SYT6: variants seen among roughly 807,000 people sequenced by gnomAD.
SYT6 encodes synaptotagmin-6.
SYT6 carries 24 observed loss-of-function variants against 38.4 expected under a neutral mutation model. That is an observed-to-expected ratio of 0.62 (90% CI 0.45 to 0.88). The LOEUF is 0.88. Ranked by LOEUF, SYT6 falls within the 40% of genes least tolerant of loss-of-function variation. The pLI is 0.00. For missense variants in SYT6, 611 were observed against 621.0 expected (o/e 0.98, Z 0.17); for synonymous variants, 265 against 241.9 (o/e 1.10, Z -0.89).
chr1:114,140,449 G>C (rs1016823035), intron 1 of SYT6, among the ~76,000 whole-genome samples: 2 of 152,102 alleles, frequency 1.3e-5, no homozygotes, highest in Admixed American at 6.5e-5. Context: ...GATACCTTGG[G>C]GGGCAGAGGC....
chr1:114,122,600 C>A (rs1406655892), intron 3 of SYT6, among the ~76,000 whole-genome samples: 1 of 152,176 alleles, frequency 6.6e-6, no homozygotes, highest in Non-Finnish European at 1.5e-5. Context: ...TGAGATTCTA[C>A]TTCCCTATCT....
At chr1:114,143,427 T>C (rs1027947908) in intron 1 of SYT6, among the ~76,000 whole-genome samples, 1 of 148,650 alleles carries the variant, frequency 6.7e-6, no homozygotes, top group Admixed American at 6.8e-5. Flanking sequence ...TATATACATA[T>C]ATAGTATAAA....
At chr1:114,092,221 C>T in intron 7 of SYT6, 139 bp from the exon 8 acceptor site, 1 of 782,118 alleles carries the variant, frequency 1.3e-6, no homozygotes, top group Non-Finnish European at 2.0e-6. Flanking sequence ...GTCAGCCATG[C>T]AAAAACATAA....
chr1:114,103,913 C>T lies in SYT6; in HGVS notation c.1072-192G>A, dbSNP rs148778517. On this transcript the variant is annotated intron_variant, in intron 3 of 7. Coordinates refer to ENST00000610222, the MANE Select transcript of SYT6 (RefSeq NM_001253772.2). Reference sequence around the variant, plus strand: ...ATAAAAGGCAATGGAAACAATATTGCCTCTTCAGTACAATTTGCCCCTTCC... The same window carrying T: ...ATAAAAGGCAATGGAAACAATATTGTCTCTTCAGTACAATTTGCCCCTTCC... 2.6e-5 allele frequency among the ~76,000 whole-genome samples: 4 copies of T among 152,326 alleles called. No homozygotes were observed. In the East Asian group the frequency reaches 7.7e-4, roughly 29 times the overall value.
chr1:114,153,640 G>C lies in SYT6; in HGVS notation c.133C>G (p.Pro45Ala). Residue 45 changes from proline to alanine, a missense_variant, in exon 1 of 8, where the codon CCA (proline) becomes GCA (alanine). Coordinates refer to ENST00000610222, the MANE Select transcript of SYT6 (RefSeq NM_001253772.2). ...CCTGCCGCGCTGGGACTCCGCTCTG[G>C]GGGCTGCAGCTCGAAGCTCCGACAA... ...ETCRSFELQPPERSPSAAGAG... is the reference protein window; with the variant it reads ...ETCRSFELQPAERSPSAAGAG... 1 of 643,652 alleles carries C rather than the reference G, an allele frequency of 1.6e-6. No homozygotes were observed. 39.9% of individuals were successfully genotyped at this position (643,652 alleles called of 1,614,324 possible).
At chr1:114,140,003 C>G (rs1294088230) in intron 1 of SYT6, 40 bp from the exon 2 acceptor site, 3 of 1,290,838 alleles carry the variant, frequency 2.3e-6, no homozygotes, top group Middle Eastern at 1.9e-4. Context: ...GACAGACAGA[C>G]AGAGGCGGGG....
intron 3 of SYT6, 32 bp from the exon 4 acceptor site, chr1:114,103,753 G>C (rs780069747): frequency 6.2e-7 from 1 of 1,605,138 alleles, no homozygotes; most frequent in Non-Finnish European, 8.5e-7. Context: ...GGCAGATGAG[G>C]GGCTTGCAGA....
chr1:114,110,316 G>A (rs1676600678), intron 3 of SYT6, among the ~76,000 whole-genome samples: 1 of 152,204 alleles, frequency 6.6e-6, no homozygotes, highest in Non-Finnish European at 1.5e-5. Flanking sequence ...GTATTCTAAG[G>A]GAGGAAGACA....
At chr1:114,104,467 C>T (rs1012016566) in intron 3 of SYT6, among the ~76,000 whole-genome samples, 2 of 152,188 alleles carry the variant, frequency 1.3e-5, no homozygotes, top group African/African-American at 4.8e-5. Flanking sequence ...AGACAGTAAG[C>T]ACACCCATCT....
At chr1:114,143,624 A>C (rs1678996243) in intron 1 of SYT6, among the ~76,000 whole-genome samples, 2 of 151,440 alleles carry the variant, frequency 1.3e-5, no homozygotes, top group South Asian at 4.2e-4. Flanking sequence ...AATTTGTGTG[A>C]CTTGCTTTAT....
At chr1:114,121,108 G>C (rs1236832347) in intron 3 of SYT6, among the ~76,000 whole-genome samples, 3 of 152,228 alleles carry the variant, frequency 2.0e-5, no homozygotes, top group Non-Finnish European at 4.4e-5. Flanking sequence ...TGAGGTTGTA[G>C]GACTCTCCAG....
intron 2 of SYT6, among the ~76,000 whole-genome samples, chr1:114,139,414 G>A (rs1200480807): frequency 2.0e-5 from 3 of 152,220 alleles, no homozygotes; most frequent in Non-Finnish European, 2.9e-5. Flanking sequence ...CCGCCTCAAA[G>A]GTTTCCCTTT....
chr1:114,151,918 C>T (rs1679456226), intron 1 of SYT6, among the ~76,000 whole-genome samples: 3 of 152,296 alleles, frequency 2.0e-5, no homozygotes, highest in Admixed American at 2.0e-4. Flanking sequence ...GTACCACCCT[C>T]TAAAAGTTCT....
chr1:114,098,010 G>T, intron 5 of SYT6, 133 bp from the exon 6 acceptor site: 1 of 1,043,172 alleles, frequency 9.6e-7, no homozygotes, highest in Non-Finnish European at 1.4e-6. Flanking sequence ...CAGATGCTTG[G>T]CAGGGCTTCT....
At chr1:114,128,162 G>T (rs558203426) in intron 3 of SYT6, among the ~76,000 whole-genome samples, 1 of 152,334 alleles carries the variant, frequency 6.6e-6, no homozygotes, top group Admixed American at 6.5e-5. Flanking sequence ...CCAGACTCAG[G>T]CACACCTTTA....
At chr1:114,095,001 T>A (rs185327813) in intron 6 of SYT6, among the ~76,000 whole-genome samples, 148 of 152,318 alleles carry the variant, frequency 9.7e-4, no homozygotes, top group Non-Finnish European at 1.8e-3. Flanking sequence ...GCTAAATGTG[T>A]CAGTGACAAT....
At chr1:114,099,319 C>T (rs538231315) in intron 4 of SYT6, 54 bp from the exon 5 acceptor site, 3 of 1,538,776 alleles carry the variant, frequency 1.9e-6, no homozygotes, top group Non-Finnish European at 2.6e-6. Context: ...CAGATGTCTG[C>T]AAACATCATT....
intron 3 of SYT6, among the ~76,000 whole-genome samples, chr1:114,124,032 A>C (rs1036732299): frequency 6.6e-6 from 1 of 152,170 alleles, no homozygotes; most frequent in African/African-American, 2.4e-5. Flanking sequence ...GGAGACTTGC[A>C]GAACTGGGAG....
In SYT6 at chr1:114,137,950, G is replaced by A. The variant is rs370559929; in HGVS notation, c.616C>T (p.Arg206Cys). ...TGCTTGTAGAGCTCAGGCTTGATGCGGCCAATGCTGGTGGGCTGCTCTGCT... is the reference window on the plus strand; with the variant it reads ...TGCTTGTAGAGCTCAGGCTTGATGCAGCCAATGCTGGTGGGCTGCTCTGCT... ...PAAEQPTSIG[R>C]IKPELYKQKS... The change falls in exon 3 of 8, where the codon CGC (arginine) becomes TGC (cysteine). Residue 206 changes from arginine (R) to cysteine (C), a missense_variant. By Grantham distance (180) the Arg-to-Cys change is radical. Transcript: ENST00000610222. 7.2e-5 allele frequency: 116 copies of A among 1,613,952 alleles called. No homozygotes were observed. Among genetic ancestry groups the A allele is most frequent in the Non-Finnish European group, 9.2e-5 (108 of 1,180,008 alleles).
Sources: gnomAD v4.1 joint callset for allele counts (sites outside exome capture counted in the v4.1 genomes callset) on GRCh38, gnomAD v4.1.1 for gene constraint, MANE v1.5 for transcripts, NCBI Gene and HGNC (gene_info 2026-07-23, HGNC 2026-07-21) for gene names.